The following VPS37A variants were observed in gnomAD, a reference collection of about 807,000 sequenced individuals.
VPS37A encodes the protein vacuolar protein sorting-associated protein 37A.
In VPS37A, 30 loss-of-function variants were observed where a neutral mutation model predicts 49.8. That is an observed-to-expected ratio of 0.60 (90% CI 0.45 to 0.82). The LOEUF is 0.82. Among genes scored for constraint, VPS37A ranks in the 40% least tolerant of loss-of-function variants. The pLI is 0.00. For missense variants in VPS37A, 593 were observed against 464.4 expected (o/e 1.28, Z -2.55); for synonymous variants, 195 against 160.6 (o/e 1.21, Z -1.62).
chr8:17,286,219 G>C, intron 10 of VPS37A, 128 bp from the exon 11 acceptor site: 1 of 681,838 alleles, frequency 1.5e-6, no homozygotes, highest in South Asian at 1.9e-5. Flanking sequence ...TAGATTATTA[G>C]CTATCTTCAA....
intron 1 of VPS37A, among the ~76,000 whole-genome samples, chr8:17,259,574 G>C (rs1031382941): frequency 2.0e-5 from 3 of 152,100 alleles, no homozygotes; most frequent in African/African-American, 7.2e-5. Context: ...TTCTGTAAAT[G>C]TCAATTAGGC....
At chr8:17,260,507 T>C (rs1812871568) in intron 1 of VPS37A, among the ~76,000 whole-genome samples, 1 of 152,196 alleles carries the variant, frequency 6.6e-6, no homozygotes, top group Admixed American at 6.5e-5. Flanking sequence ...AATTACAGTA[T>C]TAGAGGATTC....
In VPS37A at chr8:17,274,776, G is replaced by C. The variant is rs773396639; in HGVS notation, c.460G>C (p.Gly154Arg). 5 of 1,613,802 alleles carry C rather than the reference G, an allele frequency of 3.1e-6. No homozygotes were observed. The highest frequency in any genetic ancestry group is 1.7e-5 in the Admixed American group (1 of 59,972). ...PSGMSPYASQ[G>R]FPFLPPYPPQ... ...TGGGATGTCTCCTTATGCTTCTCAG[G>C]GTTTTCCATTTCTTCCTCCATATCC... is the stretch of plus-strand genomic sequence containing the variant. Residue 154 changes from glycine to arginine, a missense_variant, in exon 5 of 12, where the codon GGT becomes CGT. Gly to Arg is a moderately radical substitution (Grantham distance 125). Transcript: ENST00000324849.
Position 17,276,660 on chromosome 8 carries a change from C to T in VPS37A, c.713+193C>T, listed in dbSNP as rs77375358. ...ACATTTATTGAGTGACTGGTACATACTCAGGGATTTTTATAGGATTTTTAT... is the reference window on the plus strand; with the variant it reads ...ACATTTATTGAGTGACTGGTACATATTCAGGGATTTTTATAGGATTTTTAT... On this transcript the variant is annotated intron_variant, in intron 6 of 11. Coordinates refer to ENST00000324849, the MANE Select transcript of VPS37A (RefSeq NM_152415.3). 1.7e-3 allele frequency among the ~76,000 whole-genome samples: 265 copies of T among 152,214 alleles called. 5 individuals carry two copies. The East Asian group carries it at 0.035, about 20-fold the overall frequency.
At chr8:17,300,374 C>T (rs1006258167), downstream of VPS37A, 10 of 794,186 alleles carry the variant, frequency 1.3e-5, no homozygotes, top group African/African-American at 7.0e-5. Context: ...CTGGACTTCA[C>T]GACCTTGGAC....
intron 10 of VPS37A, among the ~76,000 whole-genome samples, chr8:17,285,941 TGTC>T (rs994727328): frequency 6.6e-6 from 1 of 152,246 alleles, no homozygotes; most frequent in Non-Finnish European, 1.5e-5. Flanking sequence ...AATTCTTAGC[TGTC>T]GTCAACATTA....
the VPS37A span, chr8:17,311,478 C>G: frequency 1.9e-6 from 3 of 1,613,530 alleles, no homozygotes; most frequent in East Asian, 6.7e-5. Context: ...GTCAAGGCAC[C>G]GCCTGTGGGA....
intron 1 of VPS37A, among the ~76,000 whole-genome samples, chr8:17,252,363 A>G (rs1812057870): frequency 6.6e-6 from 1 of 151,882 alleles, no homozygotes; most frequent in Non-Finnish European, 1.5e-5. Context: ...TTTGGTAGAG[A>G]TGGGGTTTTG....
At chr8:17,324,433 A>G in the VPS37A span, among the ~76,000 whole-genome samples, 1 of 152,220 alleles carries the variant, frequency 6.6e-6, no homozygotes, top group Non-Finnish European at 1.5e-5. Context: ...ATGGTTACAT[A>G]GCCAGTAAAT....
At chr8:17,268,521 G>A (rs889857427) in intron 3 of VPS37A, 149 bp downstream of exon 3, 14 of 613,352 alleles carry the variant, frequency 2.3e-5, no homozygotes, top group African/African-American at 2.2e-4. Context: ...ACGCCTTAAA[G>A]TTCTTACAAT....
At chr8:17,294,346 T>A (rs1005782264) in intron 11 of VPS37A, among the ~76,000 whole-genome samples, 25 of 152,170 alleles carry the variant, frequency 1.6e-4, no homozygotes, top group African/African-American at 5.8e-4. Context: ...ACTGCTATGC[T>A]GGCGGTGAAA....
intron 1 of VPS37A, among the ~76,000 whole-genome samples, chr8:17,262,265 T>G (rs146965377): frequency 6.6e-6 from 1 of 152,302 alleles, no homozygotes; most frequent in East Asian, 1.9e-4. Context: ...ATTTGTTGTT[T>G]TCTGTGACAT....
chr8:17,309,133 T>C, the VPS37A span: 4 of 612,486 alleles, frequency 6.5e-6, no homozygotes, highest in Non-Finnish European at 8.8e-6. Flanking sequence ...ATCTATGATA[T>C]GACATATACA....
intron 1 of VPS37A, among the ~76,000 whole-genome samples, chr8:17,250,266 G>T (rs1585906187): frequency 6.6e-6 from 1 of 152,250 alleles, no homozygotes; most frequent in African/African-American, 2.4e-5. Context: ...GCCTACCAAA[G>T]TGCAATATTT....
chr8:17,312,977 C>A, the VPS37A span, among the ~76,000 whole-genome samples: 1 of 152,206 alleles, frequency 6.6e-6, no homozygotes, highest in East Asian at 1.9e-4. Context: ...GCCCCAAGCC[C>A]CATCACTGAA....
At chr8:17,322,595 G>C in the VPS37A span, among the ~76,000 whole-genome samples, 1 of 152,148 alleles carries the variant, frequency 6.6e-6, no homozygotes, top group African/African-American at 2.4e-5. Flanking sequence ...CAAGGCAGTA[G>C]GATTGCTTGA....
At chr8:17,305,888 C>T, downstream of VPS37A, 1 of 1,613,674 alleles carries the variant, frequency 6.2e-7, no homozygotes, top group Non-Finnish European at 8.5e-7. Flanking sequence ...CCATTAACTG[C>T]CAAACACACT....
chr8:17,288,166 C>A (rs903302209), intron 11 of VPS37A, among the ~76,000 whole-genome samples: 1 of 152,146 alleles, frequency 6.6e-6, no homozygotes, highest in Non-Finnish European at 1.5e-5. Flanking sequence ...TATGAACATA[C>A]TCAAATCCGT....
the VPS37A span, among the ~76,000 whole-genome samples, chr8:17,319,349 G>T: frequency 6.6e-6 from 1 of 152,208 alleles, no homozygotes. Context: ...TGGTAGCTAT[G>T]ATACACATTG....
Sources: gnomAD v4.1 joint callset for allele counts (sites outside exome capture counted in the v4.1 genomes callset) on GRCh38, gnomAD v4.1.1 for gene constraint, MANE v1.5 for transcripts, NCBI Gene and HGNC (gene_info 2026-07-23, HGNC 2026-07-21) for gene names.